Variants in CCDC7 observed in about 807,000 individuals in gnomAD.
The protein encoded by CCDC7 is coiled-coil domain-containing protein 7.
A neutral mutation model predicts 196.9 loss-of-function variants in CCDC7; 183 were observed. That is an observed-to-expected ratio of 0.93 (90% CI 0.82 to 1.05). CCDC7 has a LOEUF of 1.05. Among genes scored for constraint, CCDC7 ranks in the 50% least tolerant of loss-of-function variants. The pLI is 0.00. For synonymous variants in CCDC7, 525 were observed against 484.6 expected (o/e 1.08, Z -1.10); for missense variants, 1,540 against 1,482.2 (o/e 1.04, Z -0.64).
intron 18 of CCDC7, among the ~76,000 whole-genome samples, chr10:32,602,316 G>A (rs1168203123): frequency 6.6e-6 from 1 of 151,888 alleles, no homozygotes; most frequent in Admixed American, 6.6e-5. Flanking sequence ...AACAAATTCT[G>A]GACACACCAT....
intron 9 of CCDC7, among the ~76,000 whole-genome samples, chr10:32,509,516 C>CA (rs35897485): frequency 0.35 from 49,296 of 139,242 alleles, 10,359 homozygotes; most frequent in Non-Finnish European, 0.49. Context: ...GACATTACAC[C>CA]AAAAAAAAAA....
intron 31 of CCDC7, among the ~76,000 whole-genome samples, chr10:32,823,910 CTT>C (rs1292703537): frequency 6.6e-6 from 1 of 152,122 alleles, no homozygotes; most frequent in Admixed American, 6.6e-5. Flanking sequence ...AGAGAAGAGA[CTT>C]TTTTCACATT....
chr10:32,575,652 A>G (rs2137217990), intron 16 of CCDC7, among the ~76,000 whole-genome samples: 1 of 152,292 alleles, frequency 6.6e-6, no homozygotes, highest in Middle Eastern at 3.4e-3. Flanking sequence ...GGGAGTATGT[A>G]CTTTGTATAC....
intron 41 of CCDC7, among the ~76,000 whole-genome samples, chr10:32,868,515 G>C (rs574938079): frequency 2.0e-5 from 3 of 151,980 alleles, no homozygotes; most frequent in African/African-American, 7.2e-5. Context: ...CAGACAAGAA[G>C]TTGTAGTGTA....
chr10:32,451,895 G>A (rs554451471), exon 1 of CCDC7: 10 of 1,610,838 alleles, frequency 6.2e-6, no homozygotes, highest in South Asian at 5.6e-5. Context: ...TGAAATGATC[G>A]GAAAAATTAT....
intron 9 of CCDC7, chr10:32,513,018 G>T (rs756622034): frequency 6.6e-5 from 10 of 152,012 alleles, no homozygotes; most frequent in Non-Finnish European, 1.3e-4. Context: ...GCACAGTTTA[G>T]TAATAACAAA....
At chr10:32,670,068 G>T (rs1355960216) in intron 21 of CCDC7, among the ~76,000 whole-genome samples, 1 of 152,062 alleles carries the variant, frequency 6.6e-6, no homozygotes, top group Non-Finnish European at 1.5e-5. Flanking sequence ...CTTATTTCTG[G>T]GGTCGGGACA....
chr10:32,524,214 AAACT>A (rs1375379720), intron 11 of CCDC7, among the ~76,000 whole-genome samples: 1 of 152,086 alleles, frequency 6.6e-6, no homozygotes, highest in East Asian at 1.9e-4. Context: ...CCACAACTTT[AAACT>A]AATGACAACT....
chr10:32,715,425 A>T (rs1591969076), intron 25 of CCDC7, among the ~76,000 whole-genome samples: 1 of 152,228 alleles, frequency 6.6e-6, no homozygotes, highest in East Asian at 1.9e-4. Context: ...AAGGTAGATA[A>T]ATCCATGAAG....
At chr10:32,505,646 C>A (rs1007307132) in intron 9 of CCDC7, among the ~76,000 whole-genome samples, 2 of 151,804 alleles carry the variant, frequency 1.3e-5, no homozygotes, top group African/African-American at 2.4e-5. Context: ...CTTTTCTTTT[C>A]GACAAAACCG....
upstream of CCDC7, among the ~76,000 whole-genome samples, chr10:32,443,409 C>A (rs191585197): frequency 2.0e-5 from 3 of 150,916 alleles, no homozygotes; most frequent in Admixed American, 6.6e-5. Flanking sequence ...GAAGCAGAAC[C>A]CTTCACATTA....
chr10:32,701,055 C>T (rs1380186104), intron 24 of CCDC7, among the ~76,000 whole-genome samples: 2 of 152,192 alleles, frequency 1.3e-5, no homozygotes, highest in African/African-American at 4.8e-5. Flanking sequence ...ATTTCCTTCT[C>T]CTGCCTGATT....
At chr10:32,739,477 C>A (rs1333631749) in intron 28 of CCDC7, among the ~76,000 whole-genome samples, 1 of 151,666 alleles carries the variant, frequency 6.6e-6, no homozygotes, top group Non-Finnish European at 1.5e-5. Context: ...TCCTTTTTTT[C>A]TTAGTTTTTC....
intron 28 of CCDC7, among the ~76,000 whole-genome samples, chr10:32,750,976 T>C (rs548723944): frequency 2.1e-4 from 32 of 152,086 alleles, no homozygotes; most frequent in South Asian, 4.2e-4. Context: ...TAAAAGGGGG[T>C]AGTGGTATAA....
chr10:32,790,983 C>A (rs113436561), intron 29 of CCDC7, among the ~76,000 whole-genome samples: 24 of 152,174 alleles, frequency 1.6e-4, no homozygotes, highest in African/African-American at 5.8e-4. Flanking sequence ...AGGGATTTCT[C>A]AGCTAAGTTT....
intron 24 of CCDC7, among the ~76,000 whole-genome samples, chr10:32,706,809 G>A (rs923550240): frequency 6.6e-6 from 1 of 152,202 alleles, no homozygotes; most frequent in Non-Finnish European, 1.5e-5. Context: ...AACAGGCTCT[G>A]AAATAGAGGC....
At chr10:32,821,304 A>AG (rs776391185) in intron 31 of CCDC7, among the ~76,000 whole-genome samples, 5 of 152,162 alleles carry the variant, frequency 3.3e-5, no homozygotes, top group Non-Finnish European at 4.4e-5. Flanking sequence ...TTAAAAAGTC[A>AG]GGAAACAACA....
intron 29 of CCDC7, among the ~76,000 whole-genome samples, chr10:32,799,355 C>T (rs1027570225): frequency 1.8e-4 from 27 of 152,200 alleles, no homozygotes; most frequent in African/African-American, 6.0e-4. Flanking sequence ...ACTTCACGCA[C>T]CATTGGGTAT....
intron 21 of CCDC7, among the ~76,000 whole-genome samples, chr10:32,675,174 CCTCT>C (rs1410161187): frequency 6.6e-6 from 1 of 151,932 alleles, no homozygotes; most frequent in Non-Finnish European, 1.5e-5. Context: ...GCCCTATCTT[CCTCT>C]CTTTCTGCTT....
Sources: allele counts gnomAD v4.1 joint callset (sites outside exome capture counted in the v4.1 genomes callset), GRCh38; gene constraint gnomAD v4.1.1; transcripts MANE v1.5; gene names NCBI Gene and HGNC (gene_info 2026-07-23, HGNC 2026-07-21).